FBXL17: variants seen among roughly 807,000 people sequenced by gnomAD.
FBXL17 encodes the protein F-box and leucine rich repeat protein 17.
FBXL17 carries 22 observed loss-of-function variants against 66.2 expected under a neutral mutation model. That is an observed-to-expected ratio of 0.33 (90% confidence interval 0.24 to 0.47). The LOEUF (loss-of-function observed/expected upper bound fraction) is 0.47. Among genes scored for constraint, FBXL17 ranks in the 20% least tolerant of loss-of-function variants. FBXL17 has a pLI of 1.00. For synonymous variants in FBXL17, 474 were observed against 400.5 expected (o/e 1.18, Z -2.19); for missense variants, 878 against 948.2 (o/e 0.93, Z 0.97).
At chr5:108,189,310 AT>A in intron 5 of FBXL17, among the ~76,000 whole-genome samples, 1 of 125,754 alleles carries the variant, frequency 8.0e-6, no homozygotes, top group Non-Finnish European at 1.7e-5. Context: ...ATGGGATGGG[AT>A]GGGATGGGAT....
chr5:108,358,611 C>G (rs59302100), intron 3 of FBXL17, among the ~76,000 whole-genome samples: 1 of 152,170 alleles, frequency 6.6e-6, no homozygotes, highest in Non-Finnish European at 1.5e-5. Flanking sequence ...TTTTTACATA[C>G]TCGTTAAAGA....
chr5:108,083,743 G>A (rs896003626), intron 6 of FBXL17, among the ~76,000 whole-genome samples: 1 of 152,058 alleles, frequency 6.6e-6, no homozygotes, highest in East Asian at 1.9e-4. Flanking sequence ...ACTATAGATG[G>A]CTTAAAGCAT....
chr5:108,213,927 A>AT (rs1754485794), intron 5 of FBXL17, among the ~76,000 whole-genome samples: 1 of 152,188 alleles, frequency 6.6e-6, no homozygotes, highest in South Asian at 2.1e-4. Context: ...TCAGATATAC[A>AT]GTTTTCAATT....
chr5:107,973,446 T>C (rs1162540102), intron 7 of FBXL17, among the ~76,000 whole-genome samples: 1 of 150,940 alleles, frequency 6.6e-6, no homozygotes, highest in Non-Finnish European at 1.5e-5. Flanking sequence ...TCTTCCATTG[T>C]GGTCTGGGGA....
At chr5:108,225,210 A>T (rs2966802) in intron 4 of FBXL17, among the ~76,000 whole-genome samples, 112,981 of 152,110 alleles carry the variant, frequency 0.74, 42,308 homozygotes, top group East Asian at 0.93. Flanking sequence ...GCATAATGTT[A>T]TCAAGGTTCA....
rs139189881 is a variant in FBXL17, at chr5:108,298,342, G to A, written c.1506+50057C>T. 4.0e-5 allele frequency: 39 copies of A among 983,544 alleles called. 1 individual carries two copies. In the East Asian group the frequency reaches 4.0e-3, roughly 100 times the overall value. 60.9% of individuals were successfully genotyped at this position (983,544 alleles called of 1,614,324 possible). A position where few individuals can be genotyped will look rare whatever the true frequency, so the allele number is the denominator to read the frequency against. On this transcript the variant is annotated intron_variant, in intron 4 of 8. Coordinates refer to ENST00000542267, the MANE Select transcript of FBXL17 (RefSeq NM_001163315.3). ...GAAAGCACTGAGAAAAATCGTTTTT[G>A]TATAAAATCTGTGCATAGAGAAAGT...
chr5:108,146,157 G>C (rs1189857207), intron 6 of FBXL17, among the ~76,000 whole-genome samples: 1 of 151,764 alleles, frequency 6.6e-6, no homozygotes, highest in African/African-American at 2.4e-5. Context: ...GCGTGAATCC[G>C]AGAGGCAGAG....
At chr5:107,920,235 G>A (rs754904610) in intron 7 of FBXL17, among the ~76,000 whole-genome samples, 2 of 152,040 alleles carry the variant, frequency 1.3e-5, no homozygotes, top group Admixed American at 6.6e-5. Flanking sequence ...ACAGAGTCTC[G>A]CTGTTGTCAC....
At chr5:107,986,230 T>C (rs539500619) in intron 7 of FBXL17, among the ~76,000 whole-genome samples, 56 of 151,986 alleles carry the variant, frequency 3.7e-4, no homozygotes, top group Non-Finnish European at 7.4e-4. Flanking sequence ...ATATACTTCT[T>C]GCCTTCTTAT....
intron 6 of FBXL17, among the ~76,000 whole-genome samples, chr5:108,141,776 C>T (rs1284496487): frequency 6.6e-6 from 1 of 152,330 alleles, no homozygotes; most frequent in South Asian, 2.1e-4. Flanking sequence ...AGCAATCAGA[C>T]TATACGTTGT....
At chr5:108,140,386 A>C (rs1208092147) in intron 6 of FBXL17, among the ~76,000 whole-genome samples, 1 of 152,156 alleles carries the variant, frequency 6.6e-6, no homozygotes, top group Non-Finnish European at 1.5e-5. Context: ...TTCTTTTGCA[A>C]GATCCTCCTA....
At chr5:108,328,602 T>C (rs1759973852) in intron 4 of FBXL17, among the ~76,000 whole-genome samples, 1 of 152,090 alleles carries the variant, frequency 6.6e-6, no homozygotes, top group Non-Finnish European at 1.5e-5. Context: ...TGTTGGTATG[T>C]GTATTAAAAG....
chr5:108,319,475 TATTTTTCAACAG>T (rs1047484577), intron 4 of FBXL17, among the ~76,000 whole-genome samples: 52 of 151,952 alleles, frequency 3.4e-4, no homozygotes, highest in African/African-American at 1.3e-3. Context: ...AAAAAAACAA[TATTTTTCAACAG>T]AATTTACTTT....
At chr5:108,068,240 TA>T (rs1380784848) in intron 6 of FBXL17, among the ~76,000 whole-genome samples, 3 of 152,166 alleles carry the variant, frequency 2.0e-5, no homozygotes, top group Non-Finnish European at 4.4e-5. Context: ...AGATGTTTCA[TA>T]AAAGTGTACA....
At chr5:108,321,713 A>T (rs7736039) in intron 4 of FBXL17, among the ~76,000 whole-genome samples, 115,018 of 150,310 alleles carry the variant, frequency 0.77, 44,390 homozygotes, top group East Asian at 0.92. Flanking sequence ...AAATAAATTT[A>T]AAAAAAAAAA....
intron 4 of FBXL17, among the ~76,000 whole-genome samples, chr5:108,227,112 G>A (rs1250483038): frequency 1.3e-5 from 2 of 152,058 alleles, no homozygotes; most frequent in Non-Finnish European, 2.9e-5. Flanking sequence ...GGAGAACCAT[G>A]ACTAATACCT....
At chr5:107,915,248 G>A (rs1370057141) in intron 7 of FBXL17, among the ~76,000 whole-genome samples, 1 of 152,082 alleles carries the variant, frequency 6.6e-6, no homozygotes, top group East Asian at 1.9e-4. Flanking sequence ...TAAAACATAA[G>A]TAAAACATTT....
At position 108,060,517 on chromosome 5, in the gene FBXL17, A is replaced by G. The variant is rs1245998008; in HGVS notation, c.1746-39516T>C. ...ATGCCAGTGAGTTCAGTAATCTCTT[A>G]TCAAGTAGTACTCTATGTAGCCACT... On this transcript the variant is annotated intron_variant, in intron 6 of 8. Coordinates refer to ENST00000542267, the MANE Select transcript of FBXL17 (RefSeq NM_001163315.3). 5.3e-5 allele frequency among the ~76,000 whole-genome samples: 8 copies of G among 152,316 alleles called. No individual in the cohort carries two copies. The East Asian group carries it at 1.5e-3, about 29-fold the overall frequency.
At chr5:108,172,939 A>G (rs1351177383) in intron 6 of FBXL17, among the ~76,000 whole-genome samples, 1 of 152,076 alleles carries the variant, frequency 6.6e-6, no homozygotes, top group African/African-American at 2.4e-5. Context: ...AGCTGGGATT[A>G]CAGGTGTGAG....
Sources: gnomAD v4.1 joint callset for allele counts (sites outside exome capture counted in the v4.1 genomes callset) on GRCh38, gnomAD v4.1.1 for gene constraint, MANE v1.5 for transcripts, NCBI Gene and HGNC (gene_info 2026-07-23, HGNC 2026-07-21) for gene names.